The following SORBS2 variants were observed in gnomAD, a reference collection of about 807,000 sequenced individuals.
SORBS2 encodes the protein sorbin and SH3 domain-containing protein 2.
In SORBS2, 46 loss-of-function variants were observed where a neutral mutation model predicts 97.7. The observed-to-expected ratio is 0.47, with a 90% CI of 0.37 to 0.60. SORBS2 has a LOEUF of 0.60. SORBS2 is among the 20% of genes least tolerant of loss of function. The probability of loss-of-function intolerance (pLI) is 0.00; values close to 1 mark genes in which losing one functional copy is unlikely to be tolerated. For synonymous variants in SORBS2, 476 were observed against 473.4 expected (o/e 1.01, Z -0.07); for missense variants, 1,316 against 1,282.3 (o/e 1.03, Z -0.40).
At chr4:185,775,620 C>A (rs1047782078) in intron 1 of SORBS2, 5 of 152,176 alleles carry the variant, frequency 3.3e-5, no homozygotes, top group African/African-American at 1.2e-4. Context: ...AAACTGCCAG[C>A]ACCATTGAAA....
At chr4:185,639,058 A>C (rs1287435582) in intron 4 of SORBS2, 23 bp from the exon 14 acceptor site, 6 of 1,502,112 alleles carry the variant, frequency 4.0e-6, no homozygotes, top group Admixed American at 4.9e-5. Flanking sequence ...GGGGTGCAGA[A>C]ACTGGTTCAT....
chr4:185,852,210 T>A (rs550951500), intron 1 of SORBS2, among the ~76,000 whole-genome samples: 8 of 152,262 alleles, frequency 5.3e-5, no homozygotes, highest in Non-Finnish European at 1.0e-4. Flanking sequence ...TCGGCTCCTA[T>A]TTTTTACATT....
At chr4:185,775,115 A>G (rs2133380) in intron 2 of SORBS2, 112 bp downstream of exon 2, 74,090 of 151,694 alleles carry the variant, frequency 0.49, 18,694 homozygotes, top group East Asian at 0.74. Context: ...TGTTTACCTG[A>G]AAATTGTTCA....
intron 1 of SORBS2, among the ~76,000 whole-genome samples, chr4:185,879,054 G>A (rs1452909580): frequency 6.6e-6 from 1 of 151,914 alleles, no homozygotes; most frequent in Non-Finnish European, 1.5e-5. Flanking sequence ...TAAGTTCTAG[G>A]GTACATGTGC....
At chr4:185,902,230 G>A (rs2099248147) in intron 1 of SORBS2, among the ~76,000 whole-genome samples, 1 of 152,082 alleles carries the variant, frequency 6.6e-6, no homozygotes, top group African/African-American at 2.4e-5. Context: ...CTTTTTTAAA[G>A]TTCAGTTTCT....
chr4:185,590,346 G>T (rs930820300), intron 13 of SORBS2, among the ~76,000 whole-genome samples: 1 of 152,220 alleles, frequency 6.6e-6, no homozygotes, highest in South Asian at 2.1e-4. Flanking sequence ...CTATACAAAG[G>T]AAAATTATTT....
chr4:185,762,012 C>T (rs1040522959), intron 2 of SORBS2, among the ~76,000 whole-genome samples: 9 of 152,064 alleles, frequency 5.9e-5, no homozygotes, highest in African/African-American at 1.4e-4. Context: ...ATAACTCAGC[C>T]GCAAGGGGTT....
intron 2 of SORBS2, among the ~76,000 whole-genome samples, chr4:185,749,878 G>C (rs2098789017): frequency 6.6e-6 from 1 of 152,222 alleles, no homozygotes; most frequent in Non-Finnish European, 1.5e-5. Flanking sequence ...GAAATGAGAA[G>C]TTATTCTTTG....
chr4:185,784,685 C>T (rs2099047941), intron 1 of SORBS2, among the ~76,000 whole-genome samples: 1 of 152,300 alleles, frequency 6.6e-6, no homozygotes, highest in South Asian at 2.1e-4. Flanking sequence ...AACAACCTTC[C>T]TTACATTAGA....
intron 1 of SORBS2, among the ~76,000 whole-genome samples, chr4:185,863,535 G>T (rs1367629330): frequency 6.6e-6 from 1 of 152,152 alleles, no homozygotes; most frequent in African/African-American, 2.4e-5. Flanking sequence ...GATTAGTTTA[G>T]AAATACCAGT....
chr4:185,755,525 G>C (rs1178353396), intron 2 of SORBS2, among the ~76,000 whole-genome samples: 3 of 152,304 alleles, frequency 2.0e-5, no homozygotes, highest in East Asian at 3.9e-4. Flanking sequence ...TACACAACTT[G>C]AAAGTTGGTA....
chr4:185,905,311 G>C (rs1015109438), intron 1 of SORBS2, among the ~76,000 whole-genome samples: 5 of 152,080 alleles, frequency 3.3e-5, no homozygotes, highest in African/African-American at 1.2e-4. Flanking sequence ...TAAATGTACA[G>C]ATTTGTGTAT....
intron 4 of SORBS2, chr4:185,646,376 T>C: frequency 4.3e-6 from 1 of 233,520 alleles, no homozygotes; most frequent in South Asian, 1.5e-4. Flanking sequence ...TGCATACACA[T>C]GTGTATATAT....
chr4:185,750,613 A>G (rs1309074291), intron 2 of SORBS2, among the ~76,000 whole-genome samples: 1 of 152,220 alleles, frequency 6.6e-6, no homozygotes, highest in Non-Finnish European at 1.5e-5. Flanking sequence ...TGGCTAATAC[A>G]CTCCTTACAC....
At chr4:185,626,766 T>G in intron 6 of SORBS2, 66 bp downstream of exon 18, 1 of 1,504,116 alleles carries the variant, frequency 6.6e-7, no homozygotes, top group Non-Finnish European at 9.2e-7. Context: ...TGGGCCAGCT[T>G]TCACACAGTG....
intron 4 of SORBS2, among the ~76,000 whole-genome samples, 188 bp from the exon 8 acceptor site, chr4:185,662,430 A>G (rs1472105447): frequency 6.6e-6 from 1 of 152,238 alleles, no homozygotes; most frequent in East Asian, 1.9e-4. Context: ...CTTATTTCTG[A>G]AAATCACTCT....
chr4:185,767,499 C>CAAAA (rs70962594), intron 2 of SORBS2, among the ~76,000 whole-genome samples: 14 of 60,666 alleles, frequency 2.3e-4, no homozygotes, highest in East Asian at 3.6e-4. Context: ...GACTCTGTCT[C>CAAAA]AAAAAAAAAA....
chr4:185,817,265 C>A (rs1339590274), intron 1 of SORBS2, among the ~76,000 whole-genome samples: 1 of 151,738 alleles, frequency 6.6e-6, no homozygotes, highest in African/African-American at 2.4e-5. Context: ...GCCCTGTTAA[C>A]CAGTCCCAAA....
intron 4 of SORBS2, among the ~76,000 whole-genome samples, chr4:185,631,798 A>C (rs956114322): frequency 1.3e-5 from 2 of 151,766 alleles, no homozygotes; most frequent in African/African-American, 4.8e-5. Flanking sequence ...AAAAAACAAA[A>C]CAAAACAAAA....
Sources: allele counts gnomAD v4.1 joint callset (sites outside exome capture counted in the v4.1 genomes callset), GRCh38; gene constraint gnomAD v4.1.1; transcripts MANE v1.5; gene names NCBI Gene and HGNC (gene_info 2026-07-23, HGNC 2026-07-21).